The following ANO3 variants were observed in gnomAD, a reference collection of about 807,000 sequenced individuals.
The protein encoded by ANO3 is anoctamin-3.
ANO3 carries 99 observed loss-of-function variants against 144.8 expected under a neutral mutation model. The ratio of observed to expected loss-of-function variants is 0.68; its 90% confidence interval spans 0.58 to 0.81. The LOEUF (loss-of-function observed/expected upper bound fraction) is 0.81, where lower values mean the gene tolerates loss of function less well. Ranked by LOEUF, ANO3 falls within the 30% of genes least tolerant of loss-of-function variation. The probability of loss-of-function intolerance (pLI) is 0.00; values close to 1 mark genes in which losing one functional copy is unlikely to be tolerated. For synonymous variants in ANO3, 414 were observed against 392.6 expected, an observed-to-expected ratio of 1.05 and a Z score of -0.64; for missense variants, 905 against 1,202.2, an observed-to-expected ratio of 0.75 and a Z score of 3.66.
chr11:26,233,659 A>G (rs1691682428), intron 1 of ANO3, among the ~76,000 whole-genome samples: 1 of 152,204 alleles, frequency 6.6e-6, no homozygotes, highest in Admixed American at 6.5e-5. Flanking sequence ...TTATTGAAGC[A>G]CTATTTATAA....
intron 24 of ANO3, among the ~76,000 whole-genome samples, chr11:26,655,675 TC>T (rs1322526345): frequency 6.6e-6 from 1 of 152,182 alleles, no homozygotes; most frequent in African/African-American, 2.4e-5. Flanking sequence ...CTGTTAAGTA[TC>T]AAGCATCGAT....
At chr11:26,213,595 G>C (rs1434447342) in intron 1 of ANO3, among the ~76,000 whole-genome samples, 1 of 152,090 alleles carries the variant, frequency 6.6e-6, no homozygotes, top group South Asian at 2.1e-4. Flanking sequence ...TCTTCAAGGA[G>C]AACTACAAAC....
chr11:26,409,478 A>G (rs762978884), intron 1 of ANO3, among the ~76,000 whole-genome samples: 10 of 151,836 alleles, frequency 6.6e-5, no homozygotes, highest in Non-Finnish European at 1.5e-4. Flanking sequence ...TTCTACCTCC[A>G]GTATATAACA....
intron 14 of ANO3, among the ~76,000 whole-genome samples, chr11:26,571,276 G>T (rs979837538): frequency 6.6e-6 from 1 of 152,068 alleles, no homozygotes; most frequent in Non-Finnish European, 1.5e-5. Flanking sequence ...TATAGGAGCA[G>T]CCTCTACAGA....
intron 1 of ANO3, among the ~76,000 whole-genome samples, chr11:26,211,427 C>T (rs1385218895): frequency 6.6e-6 from 1 of 151,436 alleles, no homozygotes; most frequent in African/African-American, 2.4e-5. Context: ...AATCGACATC[C>T]TAACATTTAT....
At chr11:26,414,212 C>T (rs1013432385) in intron 1 of ANO3, among the ~76,000 whole-genome samples, 1 of 152,134 alleles carries the variant, frequency 6.6e-6, no homozygotes, top group East Asian at 1.9e-4. Flanking sequence ...ACCAGAAATG[C>T]CATTTGACCC....
At chr11:26,236,959 G>A (rs919310120) in intron 1 of ANO3, among the ~76,000 whole-genome samples, 5 of 151,438 alleles carry the variant, frequency 3.3e-5, no homozygotes, top group African/African-American at 9.7e-5. Flanking sequence ...ATATATTTGC[G>A]TTCAAAACCC....
At chr11:26,334,583 G>A (rs1381185) in intron 1 of ANO3, among the ~76,000 whole-genome samples, 41,626 of 152,030 alleles carry the variant, frequency 0.27, 6,493 homozygotes, top group East Asian at 0.42. Flanking sequence ...AATTTCTTTG[G>A]ACTTTGCTTC....
At chr11:26,553,114 C>G (rs759749525) in intron 12 of ANO3, 135 bp from the exon 13 acceptor site, 2 of 654,014 alleles carry the variant, frequency 3.1e-6, no homozygotes, top group Non-Finnish European at 5.4e-6. Context: ...CCACCACTCC[C>G]CACTATTCCC....
intron 17 of ANO3, among the ~76,000 whole-genome samples, chr11:26,615,572 A>G (rs1398565206): frequency 1.3e-5 from 2 of 152,078 alleles, no homozygotes; most frequent in African/African-American, 4.8e-5. Context: ...GGGACATAAA[A>G]ATAACACATA....
intron 6 of ANO3, among the ~76,000 whole-genome samples, chr11:26,524,254 G>A (rs893225988): frequency 1.3e-5 from 2 of 152,140 alleles, no homozygotes; most frequent in African/African-American, 2.4e-5. Flanking sequence ...GAAAAAAATA[G>A]AGAAGTATTT....
intron 10 of ANO3, among the ~76,000 whole-genome samples, chr11:26,541,299 G>C (rs188455890): frequency 1.7e-3 from 252 of 152,174 alleles, no homozygotes; most frequent in African/African-American, 5.8e-3. Flanking sequence ...CAGTTCGCGG[G>C]TGGGGAGGTA....
In ANO3 at chr11:26,523,622, A is replaced by G. The variant is rs561603879; in HGVS notation, c.693-2013A>G. On this transcript the variant is annotated intron_variant, in intron 6 of 26. Transcript: ENST00000256737. ...AATGCTCTCAGAAGAGAAAGGGAGG[A>G]GAAGTCTCTTTCGTTTTCAACAGGG... Among the ~76,000 whole-genome samples, 8 of 152,354 alleles carry G rather than the reference A, an allele frequency of 5.3e-5. No individual in the cohort carries two copies. In the East Asian group the frequency reaches 1.5e-3, roughly 29 times the overall value.
chr11:26,514,660 G>C (rs550669432), intron 5 of ANO3, among the ~76,000 whole-genome samples: 1 of 152,218 alleles, frequency 6.6e-6, no homozygotes, highest in Non-Finnish European at 1.5e-5. Context: ...TGAGAGGCAA[G>C]TTGGTGCAAC....
chr11:26,392,900 G>T (rs180788376), intron 1 of ANO3, among the ~76,000 whole-genome samples: 1 of 152,138 alleles, frequency 6.6e-6, no homozygotes, highest in Non-Finnish European at 1.5e-5. Flanking sequence ...CCTTAAAATA[G>T]GAATAATGGT....
intron 1 of ANO3, among the ~76,000 whole-genome samples, chr11:26,275,499 CT>C (rs1337177209): frequency 6.6e-6 from 1 of 152,060 alleles, no homozygotes; most frequent in Non-Finnish European, 1.5e-5. Context: ...TTATAAAATC[CT>C]ACAAACACAT....
At chr11:26,332,578 CTG>C (rs1855083299) in intron 1 of ANO3, among the ~76,000 whole-genome samples, 1 of 151,588 alleles carries the variant, frequency 6.6e-6, no homozygotes, top group Admixed American at 6.6e-5. Context: ...TCTGTGAAGA[CTG>C]TTTCAATGCA....
chr11:26,521,266 ATC>A (rs1862063703), intron 6 of ANO3, among the ~76,000 whole-genome samples: 2 of 152,198 alleles, frequency 1.3e-5, no homozygotes, highest in Admixed American at 1.3e-4. Context: ...AAACATATGT[ATC>A]TCTTTTTAGG....
upstream of ANO3, among the ~76,000 whole-genome samples, chr11:26,306,741 T>G (rs1347664544): frequency 6.6e-6 from 1 of 152,226 alleles, no homozygotes; most frequent in African/African-American, 2.4e-5. Context: ...CTATCACATC[T>G]CATACCAGCA....
Sources: allele counts gnomAD v4.1 joint callset (sites outside exome capture counted in the v4.1 genomes callset), GRCh38; gene constraint gnomAD v4.1.1; transcripts MANE v1.5; gene names NCBI Gene and HGNC (gene_info 2026-07-23, HGNC 2026-07-21).